MYL1: variants seen among roughly 807,000 people sequenced by gnomAD.
The protein encoded by MYL1 is myosin light chain 1/3, skeletal muscle isoform.
Under a neutral mutation model 21.8 loss-of-function variants are expected in MYL1, and 16 were observed. That is an observed-to-expected ratio of 0.74 (90% CI 0.50 to 1.12). The LOEUF (loss-of-function observed/expected upper bound fraction) is 1.12, where lower values mean the gene tolerates loss of function less well. MYL1 is among the 50% of genes most tolerant of loss of function. The probability of loss-of-function intolerance (pLI) is 0.00; values close to 1 mark genes in which losing one functional copy is unlikely to be tolerated. For missense variants in MYL1, 246 were observed against 241.0 expected, an observed-to-expected ratio of 1.02 and a Z score of -0.14; for synonymous variants, 99 against 85.2, an observed-to-expected ratio of 1.16 and a Z score of -0.89.
At chr2:210,291,711 AT>A (rs1412887774) in intron 5 of MYL1, among the ~76,000 whole-genome samples, 1 of 152,198 alleles carries the variant, frequency 6.6e-6, no homozygotes, top group Non-Finnish European at 1.5e-5. Flanking sequence ...AGAATTTCAC[AT>A]TGATACATTG....
chr2:210,308,987 T>C (rs1366169261), intron 1 of MYL1, among the ~76,000 whole-genome samples: 1 of 152,130 alleles, frequency 6.6e-6, no homozygotes, highest in Admixed American at 6.5e-5. Flanking sequence ...GGCATTGCTG[T>C]CCTGGAGACT....
intron 1 of MYL1, among the ~76,000 whole-genome samples, chr2:210,310,520 A>T (rs1195409971): frequency 6.6e-6 from 1 of 152,106 alleles, no homozygotes; most frequent in African/African-American, 2.4e-5. Context: ...TTACTAAAAA[A>T]ACTCAGTTTC....
At chr2:210,305,509 CT>C (rs1446086323) in intron 1 of MYL1, among the ~76,000 whole-genome samples, 1 of 151,768 alleles carries the variant, frequency 6.6e-6, no homozygotes, top group African/African-American at 2.4e-5. Flanking sequence ...TCTTTGTGTT[CT>C]TTTTTAGTTT....
At chr2:210,311,534 G>A (rs1423245182) in intron 1 of MYL1, among the ~76,000 whole-genome samples, 2 of 151,886 alleles carry the variant, frequency 1.3e-5, no homozygotes, top group Non-Finnish European at 1.5e-5. Flanking sequence ...TGGTGAATAC[G>A]AGAATTAAAA....
At chr2:210,305,071 G>A (rs1325490837) in intron 1 of MYL1, among the ~76,000 whole-genome samples, 1 of 152,176 alleles carries the variant, frequency 6.6e-6, no homozygotes, top group Non-Finnish European at 1.5e-5. Flanking sequence ...TGTAACTTGA[G>A]TACTGCTTCA....
At position 210,294,872 on chromosome 2, in the gene MYL1, T is replaced by C. The variant is rs148472489; in HGVS notation, c.305-454A>G. Among the ~76,000 whole-genome samples the C allele has an allele frequency of 2.8e-3, 420 of 152,316 alleles. 2 individuals are homozygous for C. The highest frequency in any genetic ancestry group is 0.014 in the Middle Eastern group (4 of 294). Reference sequence around the variant, plus strand: ...AATGCACTGAGATACAACAAACTCATTAGTGGATTAATACAGTAAAACTTA... The same window carrying C: ...AATGCACTGAGATACAACAAACTCACTAGTGGATTAATACAGTAAAACTTA... On this transcript the variant is annotated intron_variant, in intron 3 of 6. Coordinates refer to ENST00000352451, the MANE Select transcript of MYL1 (RefSeq NM_079420.3).
intron 1 of MYL1, among the ~76,000 whole-genome samples, chr2:210,309,111 T>C (rs954023101): frequency 7.9e-5 from 12 of 152,224 alleles, no homozygotes; most frequent in African/African-American, 2.6e-4. Context: ...GTTTCTTCAG[T>C]AGAAAATATT....
At chr2:210,293,607 A>G (rs1690117313) in intron 5 of MYL1, 116 bp downstream of exon 5, 3 of 767,556 alleles carry the variant, frequency 3.9e-6, no homozygotes, top group Non-Finnish European at 6.6e-6. Context: ...GAGTTATGCA[A>G]TTGATTGTCA....
chr2:210,300,566 G>A (rs566330418), intron 2 of MYL1, among the ~76,000 whole-genome samples: 2 of 152,124 alleles, frequency 1.3e-5, no homozygotes, highest in African/African-American at 2.4e-5. Flanking sequence ...CTAACTTCTG[G>A]TCTATAACAG....
At chr2:210,297,591 G>T (rs1305992372) in intron 3 of MYL1, among the ~76,000 whole-genome samples, 1 of 151,282 alleles carries the variant, frequency 6.6e-6, no homozygotes, top group South Asian at 2.1e-4. Context: ...TTGCAAATGT[G>T]TCTTGTCTTT....
At position 210,315,133 on chromosome 2, in the gene MYL1, T is replaced by A. The variant is rs1273800773; in HGVS notation, c.-91A>T. The A allele has an allele frequency of 2.0e-6, 3 of 1,485,410 alleles. No individual in the cohort carries two copies. The highest frequency in any genetic ancestry group is 2.7e-6 in the Non-Finnish European group (3 of 1,095,504). The allele number at this position is 1,485,410 out of a possible 1,614,324, so 92.0% of individuals were successfully genotyped here. ...TCTTGGAAGAGGAGTGGTGGTTGGGTTGATCCACAGCCCAGTGTCTTGAAG... is the reference window on the plus strand; with the variant it reads ...TCTTGGAAGAGGAGTGGTGGTTGGGATGATCCACAGCCCAGTGTCTTGAAG... On this transcript the variant is annotated 5_prime_UTR_variant, in exon 1 of 7. Coordinates refer to ENST00000352451, the MANE Select transcript of MYL1 (RefSeq NM_079420.3).
chr2:210,295,329 G>A lies in MYL1; in HGVS notation c.305-911C>T, dbSNP rs867437431. 2.0e-5 allele frequency among the ~76,000 whole-genome samples: 3 copies of A among 152,142 alleles called. No homozygotes were observed. In the South Asian group the frequency reaches 6.2e-4, roughly 32 times the overall value. On this transcript the variant is annotated intron_variant, in intron 3 of 6. Transcript: ENST00000352451. ...TATTAAAGATAGATGTTGCTAAGTT[G>A]GAAAGTGACATTTAAAGGTTTCAGC...
intron 1 of MYL1, among the ~76,000 whole-genome samples, chr2:210,304,671 T>G (rs370557761): frequency 2.0e-5 from 3 of 152,158 alleles, no homozygotes; most frequent in East Asian, 1.9e-4. Context: ...GACTCCTGAG[T>G]AGGTAGGACT....
Position 210,293,751 on chromosome 2 carries a change from T to C in MYL1, c.528A>G (p.Glu176=). The change falls in exon 5 of 7, where the codon GAA becomes GAG. Residue 176 remains glutamate (E), a synonymous_variant. Coordinates refer to ENST00000352451, the MANE Select transcript of MYL1 (RefSeq NM_079420.3). ...EEVEALMAGQ[E]DSNGCINYEA... ...CGTAGTTGATGCAGCCATTGGAGTC[T>C]TCTTGACCTGCCATCAGGGCTTCCA... 7 of 1,614,082 alleles carry C rather than the reference T, an allele frequency of 4.3e-6. No homozygotes were observed. Among genetic ancestry groups the C allele is most frequent in the Non-Finnish European group, 5.9e-6 (7 of 1,179,942 alleles).
At chr2:210,290,646 T>C (rs1043973541) in intron 6 of MYL1, among the ~76,000 whole-genome samples, 179 bp from the exon 7 acceptor site, 1 of 152,218 alleles carries the variant, frequency 6.6e-6, no homozygotes, top group Non-Finnish European at 1.5e-5. Flanking sequence ...TGGACTGTTA[T>C]AACACGGTTT....
intron 2 of MYL1, among the ~76,000 whole-genome samples, chr2:210,299,023 A>G (rs961579548): frequency 6.6e-6 from 1 of 152,186 alleles, no homozygotes; most frequent in Non-Finnish European, 1.5e-5. Context: ...CCTCTTGGGT[A>G]CAAATTTCCT....
In MYL1 at chr2:210,290,246, T is replaced by C. The variant is rs1690053876; in HGVS notation, c.*236A>G. 6.6e-6 allele frequency: 1 copy of C among 152,162 alleles called. No individual in the cohort carries two copies. Among genetic ancestry groups the C allele is most frequent in the South Asian group, 2.1e-4 (1 of 4,832 alleles). 9.4% of individuals were successfully genotyped at this position (152,162 alleles called of 1,614,324 possible). A position where few individuals can be genotyped will look rare whatever the true frequency, so the allele number is the denominator to read the frequency against. On this transcript the variant is annotated 3_prime_UTR_variant, in exon 7 of 7. Transcript: ENST00000352451. ...AGAATGGTGCTTGGATTTGAGATTG[T>C]CAATATTTTATTCTTCTCATCTAGA... is the stretch of plus-strand genomic sequence containing the variant.
chr2:210,314,126 G>A (rs2125745724), intron 1 of MYL1, among the ~76,000 whole-genome samples: 1 of 152,196 alleles, frequency 6.6e-6, no homozygotes, highest in East Asian at 1.9e-4. Context: ...TTTGATCACA[G>A]CAAAGTGTTA....
intron 3 of MYL1, 42 bp downstream of exon 3, chr2:210,298,378 T>C (rs1690211985): frequency 2.0e-6 from 3 of 1,531,326 alleles, no homozygotes; most frequent in South Asian, 2.2e-5. Context: ...TGCTACACAC[T>C]TCCCTATACT....
Sources: allele counts gnomAD v4.1 joint callset (sites outside exome capture counted in the v4.1 genomes callset), GRCh38; gene constraint gnomAD v4.1.1; transcripts MANE v1.5; gene names NCBI Gene and HGNC (gene_info 2026-07-23, HGNC 2026-07-21).